Variants in TDRD7 observed in about 807,000 individuals in gnomAD.
TDRD7 encodes tudor domain containing 7.
In TDRD7, 47 loss-of-function variants were observed where a neutral mutation model predicts 109.8. The observed-to-expected ratio is 0.43, with a 90% CI of 0.34 to 0.55. The LOEUF (loss-of-function observed/expected upper bound fraction) is 0.55. Among genes scored for constraint, TDRD7 ranks in the 20% least tolerant of loss-of-function variants. TDRD7 has a pLI of 0.03. For missense variants in TDRD7, 1,164 were observed against 1,319.2 expected (o/e 0.88, Z 1.82); for synonymous variants, 424 against 457.3 (o/e 0.93, Z 0.93).
chr9:97,440,919 T>C (rs1828292186), intron 5 of TDRD7, among the ~76,000 whole-genome samples: 1 of 152,184 alleles, frequency 6.6e-6, no homozygotes, highest in South Asian at 2.1e-4. Context: ...TCTGGGGATA[T>C]TAACTCTCAC....
chr9:97,494,702 ATATATATATATTTTT>A, intron 16 of TDRD7, among the ~76,000 whole-genome samples: 1 of 94,646 alleles, frequency 1.1e-5, no homozygotes, highest in East Asian at 2.6e-4. Flanking sequence ...ATGTATATAT[ATATATATATATTTTT>A]TTTTTTTTCG....
At chr9:97,474,805 C>A (rs1020416310) in intron 11 of TDRD7, among the ~76,000 whole-genome samples, 2 of 152,094 alleles carry the variant, frequency 1.3e-5, no homozygotes, top group Non-Finnish European at 2.9e-5. Context: ...GAAACACACA[C>A]CCTGAACAGA....
chr9:97,446,486 A>T (rs1015467679), intron 6 of TDRD7, among the ~76,000 whole-genome samples: 16 of 152,226 alleles, frequency 1.1e-4, no homozygotes, highest in African/African-American at 3.9e-4. Context: ...AAAACTGCCT[A>T]ATTACACTAA....
At chr9:97,419,723 C>G (rs1827867455) in intron 1 of TDRD7, among the ~76,000 whole-genome samples, 1 of 152,188 alleles carries the variant, frequency 6.6e-6, no homozygotes, top group Non-Finnish European at 1.5e-5. Flanking sequence ...GTGGATTTCA[C>G]ACCACTGTTT....
Position 97,468,391 on chromosome 9 carries a change from C to T in TDRD7, c.1630-2167C>T, listed in dbSNP as rs78005067. ...TCATAAAGAAGGGAGTGACCAGCCTCGTCATTGCTGCTGAGAATTATGGGC... is the reference window on the plus strand; with the variant it reads ...TCATAAAGAAGGGAGTGACCAGCCTTGTCATTGCTGCTGAGAATTATGGGC... On this transcript the variant is annotated intron_variant, in intron 8 of 16. Transcript: ENST00000355295. Among the ~76,000 whole-genome samples the T allele has an allele frequency of 8.1e-3, 1,236 of 152,298 alleles. 43 individuals are homozygous for T. The East Asian group carries it at 0.11, about 13-fold the overall frequency.
intron 6 of TDRD7, among the ~76,000 whole-genome samples, chr9:97,455,168 A>G (rs1828581991): frequency 6.6e-6 from 1 of 152,214 alleles, no homozygotes; most frequent in African/African-American, 2.4e-5. Context: ...AAGCTCTGAA[A>G]TTGAGGTAGT....
rs545420970 is a variant in TDRD7, at chr9:97,472,295, T to G, written c.1744T>G (p.Leu582Val). 1 of 1,613,694 alleles carries G rather than the reference T, an allele frequency of 6.2e-7. No homozygotes were observed. The highest frequency in any genetic ancestry group is 2.2e-5 in the East Asian group (1 of 44,862). Residue 582 changes from leucine (L) to valine (V), a missense_variant and splice_region_variant, in exon 10 of 17, where the codon TTG becomes GTG. Leu to Val is a conservative substitution (Grantham distance 32). This residue lies in a region of TDRD7 where 261 missense variants were observed against 336.2 expected (regional missense o/e 0.78). Transcript: ENST00000355295. ...TTAAAAGATTCAATATTTTTCAGGC[T>G]TGGAAGTCCTAAGCGATGACCCTGA... is the stretch of plus-strand genomic sequence containing the variant. ...FQATKCKLAG[L>V]EVLSDDPDLV...
intron 8 of TDRD7, among the ~76,000 whole-genome samples, chr9:97,466,914 T>A (rs1828830318): frequency 6.6e-6 from 1 of 152,210 alleles, no homozygotes; most frequent in Admixed American, 6.5e-5. Flanking sequence ...CAAACTGTAT[T>A]GTAAACAGGT....
intron 5 of TDRD7, among the ~76,000 whole-genome samples, chr9:97,439,954 TG>T (rs1828273298): frequency 1.3e-5 from 2 of 152,198 alleles, no homozygotes; most frequent in African/African-American, 4.8e-5. Flanking sequence ...AGGGAGACAG[TG>T]TTTTCGTATC....
In TDRD7 at chr9:97,493,248, T is replaced by C. The variant is rs190894512; in HGVS notation, c.3077-2415T>C. On this transcript the variant is annotated intron_variant, in intron 16 of 16. Coordinates refer to ENST00000355295, the MANE Select transcript of TDRD7 (RefSeq NM_014290.3). Reference sequence around the variant, plus strand: ...ATTCACCCCCGATATTTCATGTAGGTTCTTTTCTATTTTCCCTAAGTGTCG... The same window carrying C: ...ATTCACCCCCGATATTTCATGTAGGCTCTTTTCTATTTTCCCTAAGTGTCG... Among the ~76,000 whole-genome samples, 14 of 152,288 alleles carry C rather than the reference T, an allele frequency of 9.2e-5. No homozygotes were observed. The East Asian group carries it at 2.7e-3, about 29-fold the overall frequency.
At chr9:97,447,386 T>G (rs1260985744) in intron 6 of TDRD7, among the ~76,000 whole-genome samples, 1 of 152,300 alleles carries the variant, frequency 6.6e-6, no homozygotes, top group South Asian at 2.1e-4. Flanking sequence ...ATAAAATATA[T>G]AAAGCAGCTA....
chr9:97,490,652 A>G (rs1314985505), intron 16 of TDRD7, among the ~76,000 whole-genome samples: 3 of 150,800 alleles, frequency 2.0e-5, no homozygotes, highest in Admixed American at 1.3e-4. Flanking sequence ...TTATTGTTTC[A>G]AATGTTTCTG....
In TDRD7 at chr9:97,475,373, T is replaced by C. The variant is rs1829000340; in HGVS notation, c.2080-10T>C. 1 of 1,606,732 alleles carries C rather than the reference T, an allele frequency of 6.2e-7. No homozygotes were observed. Among genetic ancestry groups the C allele is most frequent in the Non-Finnish European group, 8.5e-7 (1 of 1,173,640 alleles). On this transcript the variant is annotated splice_polypyrimidine_tract_variant and intron_variant, in intron 11 of 16. Coordinates refer to ENST00000355295, the MANE Select transcript of TDRD7 (RefSeq NM_014290.3). ...GAGTAATAAGAGTATCATGCATTTC[T>C]GTTTTGCAGCACATGACCTCTGAGT... is the stretch of plus-strand genomic sequence containing the variant.
At position 97,495,769 on chromosome 9, in the gene TDRD7, C is replaced by A. The variant is rs200913253; in HGVS notation, c.3183C>A (p.Asn1061Lys). ...TGCAGACAGTCATTGAAAATGCTAA[C>A]CCTTGGGACCGGAAAGTAGTGGTCT... ...ALVQTVIENA[N>K]PWDRKVVVYL... The change falls in exon 17 of 17, where the codon AAC (asparagine) becomes AAA (lysine). Residue 1061 changes from asparagine to lysine, a missense_variant. By Grantham distance (94) the Asn-to-Lys change is moderately conservative. Coordinates refer to ENST00000355295, the MANE Select transcript of TDRD7 (RefSeq NM_014290.3). The A allele has an allele frequency of 3.7e-6, 6 of 1,614,154 alleles. No homozygotes were observed. Among genetic ancestry groups the A allele is most frequent in the South Asian group, 3.3e-5 (3 of 91,080 alleles).
intron 16 of TDRD7, among the ~76,000 whole-genome samples, chr9:97,490,279 G>C (rs988945079): frequency 2.0e-5 from 3 of 151,986 alleles, no homozygotes; most frequent in Admixed American, 2.0e-4. Flanking sequence ...ATTTTTGTTT[G>C]TCTGAGAGTC....
intron 16 of TDRD7, among the ~76,000 whole-genome samples, chr9:97,491,680 G>A (rs1469929050): frequency 6.6e-6 from 1 of 152,192 alleles, no homozygotes; most frequent in African/African-American, 2.4e-5. Context: ...GATGGCTAGA[G>A]GGGAGTGGAG....
chr9:97,454,295 A>G (rs763905267), intron 6 of TDRD7, among the ~76,000 whole-genome samples: 1 of 152,176 alleles, frequency 6.6e-6, no homozygotes, highest in Non-Finnish European at 1.5e-5. Context: ...CCTGACTAAC[A>G]TGGTGAAACC....
intron 6 of TDRD7, among the ~76,000 whole-genome samples, chr9:97,458,642 T>C (rs1364978561): frequency 6.6e-6 from 1 of 152,214 alleles, no homozygotes; most frequent in Non-Finnish European, 1.5e-5. Context: ...AGTGATGCTT[T>C]AGGCTTTCCA....
chr9:97,419,833 G>A (rs1221560267), intron 1 of TDRD7, among the ~76,000 whole-genome samples: 1 of 152,062 alleles, frequency 6.6e-6, no homozygotes, highest in African/African-American at 2.4e-5. Context: ...AGTAGACAGG[G>A]TGATATAATG....
Sources: gnomAD v4.1 joint callset for allele counts (sites outside exome capture counted in the v4.1 genomes callset) on GRCh38, gnomAD v4.1.1 for gene constraint, gnomAD v4.1.1 regional missense constraint, MANE v1.5 for transcripts, NCBI Gene and HGNC (gene_info 2026-07-23, HGNC 2026-07-21) for gene names.